Variants in CYP4F3 observed in about 807,000 individuals in gnomAD.
CYP4F3 encodes cytochrome P450 4F3.
A neutral mutation model predicts 54.8 loss-of-function variants in CYP4F3; 50 were observed. The ratio of observed to expected loss-of-function variants is 0.91; its 90% CI spans 0.73 to 1.16. The LOEUF is 1.16. CYP4F3 is among the 50% of genes most tolerant of loss of function. The probability of loss-of-function intolerance (pLI) is 0.00; values close to 1 mark genes in which losing one functional copy is unlikely to be tolerated. For missense variants in CYP4F3, 715 were observed against 676.2 expected (o/e 1.06, Z -0.64); for synonymous variants, 244 against 262.6 (o/e 0.93, Z 0.69).
At position 15,650,069 on chromosome 19, in the gene CYP4F3, T is replaced by A. The variant is rs767782670; in HGVS notation, c.804T>A (p.Asp268Glu). The A allele has an allele frequency of 2.5e-6, 4 of 1,614,200 alleles. No homozygotes were observed. Among genetic ancestry groups the A allele is most frequent in the Non-Finnish European group, 3.4e-6 (4 of 1,180,030 alleles). Residue 268 changes from aspartate (D) to glutamate (E), a missense_variant, in exon 7 of 13, where the codon GAT becomes GAA. By Grantham distance (45) the Asp-to-Glu change is conservative. Coordinates refer to ENST00000221307, the MANE Select transcript of CYP4F3 (RefSeq NM_000896.3). Reference sequence around the variant, plus strand: ...GCCGCCTGGTGCACGACTTCACAGATGCCGTCATCCAGGAGCGGCGCCGCA... The same window carrying A: ...GCCGCCTGGTGCACGACTTCACAGAAGCCGTCATCCAGGAGCGGCGCCGCA... ...RACRLVHDFT[D>E]AVIQERRRTL... is the part of the protein sequence containing the mutation.
intron 5 of CYP4F3, among the ~76,000 whole-genome samples, chr19:15,648,075 A>G (rs181499231): frequency 1.2e-3 from 182 of 152,242 alleles, no homozygotes; most frequent in African/African-American, 4.2e-3. Context: ...CACATTGCAA[A>G]GGGTGTGGAT....
chr19:15,658,428 G>C lies in CYP4F3; in HGVS notation c.1249+31G>C, dbSNP rs921363246. On this transcript the variant is annotated intron_variant, in intron 10 of 12. Transcript: ENST00000221307. ...ACAGCCTCAGGGGGAGGAGCCTCCT[G>C]GGTAGGAAGAGGGGCCCCTCAGGCA... The C allele has an allele frequency of 1.3e-5, 21 of 1,613,518 alleles. No individual in the cohort carries two copies. In the Admixed American group the frequency reaches 2.0e-4, roughly 15 times the overall value.
At chr19:15,649,486 G>C (rs1259104753) in intron 6 of CYP4F3, among the ~76,000 whole-genome samples, 1 of 152,132 alleles carries the variant, frequency 6.6e-6, no homozygotes, top group Admixed American at 6.5e-5. Flanking sequence ...GGTCAAAGTG[G>C]GTCTCTCTCA....
chr19:15,659,278 C>A lies in CYP4F3; in HGVS notation c.1456C>A (p.Leu486Met). The A allele has an allele frequency of 6.2e-7, 1 of 1,613,462 alleles. No individual in the cohort carries two copies. Among genetic ancestry groups the A allele is most frequent in the Non-Finnish European group, 8.5e-7 (1 of 1,179,894 alleles). The change falls in exon 13 of 13, where the codon CTG (leucine) becomes ATG (methionine). Residue 486 changes from leucine to methionine, a missense_variant. Physicochemically the swap from Leu to Met is conservative, Grantham distance 15. Coordinates refer to ENST00000221307, the MANE Select transcript of CYP4F3 (RefSeq NM_000896.3). ...GATGAAGGTGGTCCTGGGGCTCACGCTGCTGCGCTTCCGCGTCCTGCCTGA... is the reference window on the plus strand; with the variant it reads ...GATGAAGGTGGTCCTGGGGCTCACGATGCTGCGCTTCCGCGTCCTGCCTGA... ...AEMKVVLGLTLLRFRVLPDHT... is the reference protein window; with the variant it reads ...AEMKVVLGLTMLRFRVLPDHT...
intron 2 of CYP4F3, among the ~76,000 whole-genome samples, chr19:15,644,894 T>C (rs943987214): frequency 6.6e-6 from 1 of 152,198 alleles, no homozygotes; most frequent in Non-Finnish European, 1.5e-5. Context: ...CTGTCTCTGG[T>C]TACTGAGGTC....
intron 6 of CYP4F3, 24 bp from the exon 7 acceptor site, chr19:15,649,889 T>C (rs1357561810): frequency 1.2e-6 from 2 of 1,609,506 alleles, no homozygotes; most frequent in South Asian, 2.2e-5. Context: ...AATTGTTGCC[T>C]CCCTTTCTGC....
At chr19:15,648,835 T>C (rs904924945) in intron 5 of CYP4F3, among the ~76,000 whole-genome samples, 1 of 152,190 alleles carries the variant, frequency 6.6e-6, no homozygotes, top group Non-Finnish European at 1.5e-5. Flanking sequence ...ACATGAATTA[T>C]ATGGCTCCAA....
chr19:15,652,378 C>G (rs1813735648), intron 7 of CYP4F3, among the ~76,000 whole-genome samples, 191 bp from the exon 8 acceptor site: 1 of 152,072 alleles, frequency 6.6e-6, no homozygotes, highest in Non-Finnish European at 1.5e-5. Flanking sequence ...GGCAAGGAAG[C>G]CAGGGAGGAA....
intron 2 of CYP4F3, among the ~76,000 whole-genome samples, chr19:15,644,254 G>C (rs1972560054): frequency 6.6e-6 from 1 of 152,148 alleles, no homozygotes; most frequent in African/African-American, 2.4e-5. Context: ...CCCTGTCCTG[G>C]TGTTCTGGGC....
At chr19:15,652,468 G>A (rs1972884362) in intron 7 of CYP4F3, 101 bp from the exon 8 acceptor site, 2 of 1,534,008 alleles carry the variant, frequency 1.3e-6, no homozygotes, top group East Asian at 2.3e-5. Context: ...CTCGAAAGAG[G>A]ATGAATCTTC....
chr19:15,660,924 A>T lies in CYP4F3; in HGVS notation c.*1539A>T, dbSNP rs1163628277. On this transcript the variant is annotated 3_prime_UTR_variant, in exon 13 of 13. Coordinates refer to ENST00000221307, the MANE Select transcript of CYP4F3 (RefSeq NM_000896.3). ...TAGAGGCGGGGTTTCGCCATGTTGC[A>T]CTGGCTGGTGTTGAACTCCTAACCT... The T allele has an allele frequency of 1.3e-5, 2 of 151,870 alleles. No individual in the cohort carries two copies. Among genetic ancestry groups the T allele is most frequent in the Non-Finnish European group, 2.9e-5 (2 of 67,962 alleles). 9.4% of individuals were successfully genotyped at this position (151,870 alleles called of 1,614,324 possible).
chr19:15,652,491 A>G, intron 7 of CYP4F3, 78 bp from the exon 8 acceptor site: 1 of 1,563,966 alleles, frequency 6.4e-7, no homozygotes, highest in Admixed American at 1.7e-5. Context: ...AGACTGTCTC[A>G]GATTAGACTC....
Position 15,645,776 on chromosome 19 carries a change from G to A in CYP4F3, c.256G>A (p.Asp86Asn). 8.1e-6 allele frequency: 13 copies of A among 1,614,152 alleles called. No individual in the cohort carries two copies. Among genetic ancestry groups the A allele is most frequent in the Non-Finnish European group, 1.1e-5 (13 of 1,179,976 alleles). The change falls in exon 3 of 13, where the codon GAT (aspartate) becomes AAT (asparagine). Residue 86 changes from aspartate to asparagine, a missense_variant. Physicochemically the swap from Asp to Asn is conservative, Grantham distance 23 (BLOSUM62 1). Transcript: ENST00000221307. Reference protein sequence around the residue: ...YTQSLACTFGDMCCWWVGPWH... With the variant: ...YTQSLACTFGNMCCWWVGPWH... ...ACAAAGCCTGGCATGCACCTTCGGT[G>A]ATATGTGCTGCTGGTGGGTGGGGCC...
Position 15,662,796 on chromosome 19 carries a change from A to G in CYP4F3, c.*3411A>G, listed in dbSNP as rs944070121. ...CTGAGAATTTAATTTTTTCTGGTGT[A>G]CAATGCTAATAAAATGGTGCTTTAA... On this transcript the variant is annotated 3_prime_UTR_variant, in exon 13 of 13. Transcript: ENST00000221307. 1 of 152,220 alleles carries G rather than the reference A, an allele frequency of 6.6e-6. No individual in the cohort carries two copies. Among genetic ancestry groups the G allele is most frequent in the African/African-American group, 2.4e-5 (1 of 41,460 alleles). The allele number at this position is 152,220 out of a possible 1,614,324, so 9.4% of individuals were successfully genotyped here. A position where few individuals can be genotyped will look rare whatever the true frequency, so the allele number is the denominator to read the frequency against.
At chr19:15,652,434 G>A in intron 7 of CYP4F3, 135 bp from the exon 8 acceptor site, 2 of 1,332,428 alleles carry the variant, frequency 1.5e-6, no homozygotes, top group South Asian at 1.3e-5. Flanking sequence ...GAAGGGTCTA[G>A]GAGAGCAAGA....
rs1973127820 is a variant in CYP4F3 at position 15,659,291 on chromosome 19, G to A, written c.1469G>A (p.Arg490His). Residue 490 changes from arginine (R) to histidine (H), a missense_variant, in exon 13 of 13, where the codon CGC becomes CAC. By Grantham distance (29) the Arg-to-His change is conservative. Transcript: ENST00000221307. ...VVLGLTLLRFRVLPDHTEPRR... is the reference protein window; with the variant it reads ...VVLGLTLLRFHVLPDHTEPRR... ...CTGGGGCTCACGCTGCTGCGCTTCCGCGTCCTGCCTGACCACACCGAGCCC... is the reference window on the plus strand; with the variant it reads ...CTGGGGCTCACGCTGCTGCGCTTCCACGTCCTGCCTGACCACACCGAGCCC... 1.2e-6 allele frequency: 2 copies of A among 1,613,534 alleles called. No individual in the cohort carries two copies. The highest frequency in any genetic ancestry group is 1.7e-6 in the Non-Finnish European group (2 of 1,179,866).
At position 15,662,272 on chromosome 19, in the gene CYP4F3, C is replaced by CAAAAAAAAAAAAAAAAAAAAAA. The variant is rs376922016; in HGVS notation, c.*2907_*2908insAAAAAAAAAAAAAAAAAAAAAA. 9.1e-4 allele frequency: 67 copies of CAAAAAAAAAAAAAAAAAAAAAA among 73,668 alleles called. 15 individuals carry two copies. Among genetic ancestry groups the CAAAAAAAAAAAAAAAAAAAAAA allele is most frequent in the African/African-American group, 3.0e-3 (37 of 12,348 alleles). The allele number at this position is 73,668 out of a possible 1,614,324, so 4.6% of individuals were successfully genotyped here. ...GGTGAAAGAGCTAGATTCTCTCTCT[C>CAAAAAAAAAAAAAAAAAAAAAA]AAAAAAAAAAAAAAAAAAAAGGAAA... On this transcript the variant is annotated 3_prime_UTR_variant, in exon 13 of 13. Coordinates refer to ENST00000221307, the MANE Select transcript of CYP4F3 (RefSeq NM_000896.3).
At chr19:15,643,393 T>G (rs1232145948) in intron 2 of CYP4F3, among the ~76,000 whole-genome samples, 2 of 146,600 alleles carry the variant, frequency 1.4e-5, no homozygotes, top group East Asian at 4.0e-4. Context: ...TATGTAGAGA[T>G]ATATATAGGT....
chr19:15,657,610 G>C (rs1161457827), intron 9 of CYP4F3, among the ~76,000 whole-genome samples: 3 of 152,242 alleles, frequency 2.0e-5, no homozygotes, highest in Non-Finnish European at 4.4e-5. Context: ...TTTACTATTA[G>C]CTGAGTTTTA....
Sources: allele counts gnomAD v4.1 joint callset (sites outside exome capture counted in the v4.1 genomes callset), GRCh38; gene constraint gnomAD v4.1.1; transcripts MANE v1.5; gene names NCBI Gene and HGNC (gene_info 2026-07-23, HGNC 2026-07-21).